PTPN13: variants seen among roughly 807,000 people sequenced by gnomAD.
PTPN13 encodes the protein protein tyrosine phosphatase non-receptor type 13, also known as tyrosine-protein phosphatase non-receptor type 13.
Under a neutral mutation model 284.0 loss-of-function variants are expected in PTPN13, and 191 were observed. The observed-to-expected ratio is 0.67, with a 90% CI of 0.60 to 0.76. PTPN13 has a LOEUF of 0.76. Among genes scored for constraint, PTPN13 ranks in the 30% least tolerant of loss-of-function variants. The pLI, the probability that PTPN13 is intolerant of heterozygous loss-of-function variation, is 0.00. For synonymous variants in PTPN13, 986 were observed against 1,022.3 expected (o/e 0.96, Z 0.68); for missense variants, 2,797 against 2,939.9 (o/e 0.95, Z 1.12).
At chr4:86,783,236 A>G (rs1401010257) in intron 37 of PTPN13, among the ~76,000 whole-genome samples, 1 of 152,218 alleles carries the variant, frequency 6.6e-6, no homozygotes, top group African/African-American at 2.4e-5. Context: ...ATTTTAAGGT[A>G]GTAATGATTG....
In PTPN13 at chr4:86,796,956, A is replaced by G. The variant is rs777908151; in HGVS notation, c.6401+27A>G. The G allele has an allele frequency of 1.4e-5, 18 of 1,261,282 alleles. No individual in the cohort carries two copies. The South Asian group carries it at 2.1e-4, about 15-fold the overall frequency. The allele number at this position is 1,261,282 out of a possible 1,614,324, so 78.1% of individuals were successfully genotyped here. ...TGAGAAAATAATTTTCAAAGTATCCATAATGCTTCTGTCTATCTATAAATG... is the reference window on the plus strand; with the variant it reads ...TGAGAAAATAATTTTCAAAGTATCCGTAATGCTTCTGTCTATCTATAAATG... On this transcript the variant is annotated intron_variant, in intron 41 of 47. Coordinates refer to ENST00000411767, the MANE Select transcript of PTPN13 (RefSeq NM_080683.3).
At chr4:86,595,917 T>G (rs893369678) in intron 1 of PTPN13, 1 of 293,268 alleles carries the variant, frequency 3.4e-6, no homozygotes, top group Non-Finnish European at 5.1e-6. Context: ...ATGACTGTGT[T>G]GGCAGGGTCC....
chr4:86,677,976 G>A (rs990091539), intron 3 of PTPN13, among the ~76,000 whole-genome samples: 1 of 152,180 alleles, frequency 6.6e-6, no homozygotes, highest in Non-Finnish European at 1.5e-5. Flanking sequence ...GCCATTTGCA[G>A]TTGGTGGGTC....
Position 86,672,490 on chromosome 4 carries a change from G to A in PTPN13, c.241G>A (p.Ala81Thr). The A allele has an allele frequency of 6.2e-7, 1 of 1,606,538 alleles. No homozygotes were observed. The highest frequency in any genetic ancestry group is 8.5e-7 in the Non-Finnish European group (1 of 1,176,214). ...CAATCAGGATCTTCGAGCATTCACT[G>A]CACCAGAGGTTCTTCAAAATCAGTC... The part of the protein sequence containing the change: ...ISNQDLRAFT[A>T]PEVLQNQSLT... The change falls in exon 3 of 48, where the codon GCA (alanine) becomes ACA (threonine). Residue 81 changes from alanine (A) to threonine (T), a missense_variant. Ala to Thr is a moderately conservative substitution (Grantham distance 58). Coordinates refer to ENST00000411767, the MANE Select transcript of PTPN13 (RefSeq NM_080683.3).
rs1366511573 is a variant in PTPN13 at position 86,770,176 on chromosome 4, C to G, written c.4780C>G (p.Pro1594Ala). 44 of 1,613,472 alleles carry G rather than the reference C, an allele frequency of 2.7e-5. No homozygotes were observed. The highest frequency in any genetic ancestry group is 3.6e-5 in the Non-Finnish European group (43 of 1,179,714). ...LLCRPPPGVL[P>A]EIDTALLTPL... is the part of the protein sequence containing the mutation. Reference sequence around the variant, plus strand: ...CTGCAGACCTCCACCTGGTGTGCTACCGGAAATTGATACTGCGCTTTTGGT... The same window carrying G: ...CTGCAGACCTCCACCTGGTGTGCTAGCGGAAATTGATACTGCGCTTTTGGT... Residue 1594 changes from proline to alanine, a missense_variant, in exon 30 of 48, where the codon CCG becomes GCG. Pro to Ala is a conservative substitution (Grantham distance 27). Transcript: ENST00000411767.
intron 15 of PTPN13, among the ~76,000 whole-genome samples, chr4:86,739,110 T>C (rs1735862004): frequency 6.6e-6 from 1 of 152,194 alleles, no homozygotes; most frequent in African/African-American, 2.4e-5. Context: ...ACCTTCTAAG[T>C]TTTATGCTTT....
chr4:86,720,643 A>T (rs532415027), intron 9 of PTPN13, among the ~76,000 whole-genome samples: 2 of 152,308 alleles, frequency 1.3e-5, no homozygotes, highest in East Asian at 3.9e-4. Context: ...CTCTGATAAT[A>T]TCCCTAACAT....
chr4:86,657,500 C>G lies in PTPN13; in HGVS notation c.116-14865C>G, dbSNP rs182986742. Among the ~76,000 whole-genome samples the G allele has an allele frequency of 3.7e-4, 57 of 152,290 alleles. 1 individual carries two copies. The highest frequency in any genetic ancestry group is 1.1e-3 in the African/African-American group (47 of 41,560). ...TTTTCCCCAGTCAGAAGGAACCTCTCTCTGTACTAGGCTGCCTGGAGTTGA... is the reference window on the plus strand; with the variant it reads ...TTTTCCCCAGTCAGAAGGAACCTCTGTCTGTACTAGGCTGCCTGGAGTTGA... On this transcript the variant is annotated intron_variant, in intron 2 of 47. Coordinates refer to ENST00000411767, the MANE Select transcript of PTPN13 (RefSeq NM_080683.3).
Position 86,769,851 on chromosome 4 carries a change from G to A in PTPN13, c.4572G>A (p.Glu1524=), listed in dbSNP as rs368544994. The stretch of plus-strand genomic sequence containing the variant: ...CTCGAGAAGATAATCTTATACCGGA[G>A]CAAATTAATGCCAGCATAGTAAGGG... ...SFSREDNLIP[E]QINASIVRVK... The change falls in exon 29 of 48, where the codon GAG becomes GAA. Residue 1524 remains glutamate (E), a synonymous_variant. Transcript: ENST00000411767. 1.2e-5 allele frequency: 20 copies of A among 1,613,690 alleles called. No homozygotes were observed. Among genetic ancestry groups the A allele is most frequent in the Middle Eastern group, 1.6e-4 (1 of 6,082 alleles).
chr4:86,731,137 A>G (rs1360212410), intron 10 of PTPN13, among the ~76,000 whole-genome samples: 1 of 152,210 alleles, frequency 6.6e-6, no homozygotes, highest in Non-Finnish European at 1.5e-5. Context: ...GAAGAAACCA[A>G]CAAAAATAAA....
chr4:86,598,308 C>T (rs1156439749), intron 1 of PTPN13, among the ~76,000 whole-genome samples: 1 of 151,964 alleles, frequency 6.6e-6, no homozygotes, highest in Non-Finnish European at 1.5e-5. Context: ...CCACACCTGG[C>T]TAATTTCTAT....
At chr4:86,813,151 A>C (rs1365950331) in intron 47 of PTPN13, among the ~76,000 whole-genome samples, 1 of 152,166 alleles carries the variant, frequency 6.6e-6, no homozygotes, top group East Asian at 1.9e-4. Flanking sequence ...AGATGTTCTT[A>C]TATTCTTTGT....
At position 86,762,753 on chromosome 4, in the gene PTPN13, A is replaced by G. The variant is rs1200153085; in HGVS notation, c.3580A>G (p.Asn1194Asp). ...KVPSTPVHLT[N>D]EMKNYMKKSS... ...GCCTTCTACTCCTGTGCATCTCACC[A>G]ATGAGATGAAAAACTACATGAAGAA... The change falls in exon 24 of 48, where the codon AAT (asparagine) becomes GAT (aspartate). Residue 1194 changes from asparagine to aspartate, a missense_variant. Coordinates refer to ENST00000411767, the MANE Select transcript of PTPN13 (RefSeq NM_080683.3). The G allele has an allele frequency of 6.2e-7, 1 of 1,602,904 alleles. No individual in the cohort carries two copies. The highest frequency in any genetic ancestry group is 1.7e-5 in the Admixed American group (1 of 59,876).
At chr4:86,741,981 T>C (rs1736217930) in intron 16 of PTPN13, among the ~76,000 whole-genome samples, 165 bp downstream of exon 16, 1 of 152,204 alleles carries the variant, frequency 6.6e-6, no homozygotes, top group East Asian at 1.9e-4. Flanking sequence ...ATTGAGATTT[T>C]ATTTATGTCT....
intron 9 of PTPN13, among the ~76,000 whole-genome samples, chr4:86,719,194 C>A (rs1733371662): frequency 6.6e-6 from 1 of 152,124 alleles, no homozygotes; most frequent in Non-Finnish European, 1.5e-5. Flanking sequence ...AAGTTCTTAT[C>A]ATTTAGCTCC....
At chr4:86,633,703 ATAT>A (rs1392611325) in intron 1 of PTPN13, among the ~76,000 whole-genome samples, 3 of 152,192 alleles carry the variant, frequency 2.0e-5, no homozygotes, top group African/African-American at 4.8e-5. Context: ...CTGATTGCTA[ATAT>A]TATCTGATCC....
intron 20 of PTPN13, 118 bp from the exon 21 acceptor site, chr4:86,758,142 T>C (rs953152653): frequency 1.0e-5 from 6 of 573,344 alleles, no homozygotes; most frequent in Non-Finnish European, 8.9e-6. Context: ...ACTTAAAATA[T>C]ATGTTTAAGT....
At chr4:86,761,735 G>T (rs949420111) in intron 23 of PTPN13, among the ~76,000 whole-genome samples, 7 of 151,956 alleles carry the variant, frequency 4.6e-5, no homozygotes, top group Admixed American at 3.9e-4. Flanking sequence ...TTGTTCCGTG[G>T]GAGTTTTGAA....
chr4:86,680,458 T>A (rs1728783401), intron 3 of PTPN13, among the ~76,000 whole-genome samples: 1 of 152,066 alleles, frequency 6.6e-6, no homozygotes, highest in Non-Finnish European at 1.5e-5. Flanking sequence ...ATGTACTTAA[T>A]TGCCTGAATT....
Sources: allele counts gnomAD v4.1 joint callset (sites outside exome capture counted in the v4.1 genomes callset), GRCh38; gene constraint gnomAD v4.1.1; transcripts MANE v1.5; gene names NCBI Gene and HGNC (gene_info 2026-07-23, HGNC 2026-07-21).